TLR6: variants seen among roughly 807,000 people sequenced by gnomAD.
The protein encoded by TLR6 is toll-like receptor 6.
Under a neutral mutation model 16.1 loss-of-function variants are expected in TLR6, and 9 were observed. The ratio of observed to expected loss-of-function variants is 0.56; its 90% confidence interval spans 0.34 to 0.98. The LOEUF (loss-of-function observed/expected upper bound fraction) is 0.98, where lower values mean the gene tolerates loss of function less well. TLR6 is among the 50% of genes least tolerant of loss of function. The pLI is 0.02. For missense variants in TLR6, 786 were observed against 921.0 expected, an observed-to-expected ratio of 0.85 and a Z score of 1.90; for synonymous variants, 340 against 338.6, an observed-to-expected ratio of 1.00 and a Z score of -0.04.
chr4:38,846,760 G>A (rs1712546793), intron 1 of TLR6, among the ~76,000 whole-genome samples: 1 of 152,190 alleles, frequency 6.6e-6, no homozygotes, highest in African/African-American at 2.4e-5. Context: ...GGAGTTGGCT[G>A]AAGGTGGGGT....
At chr4:38,859,256 C>G (rs915907879), upstream of TLR6, among the ~76,000 whole-genome samples, 16 of 152,178 alleles carry the variant, frequency 1.1e-4, no homozygotes, top group Non-Finnish European at 7.3e-5. Flanking sequence ...AGAGCATTTG[C>G]AAACAGAGGC....
chr4:38,842,100 C>T (rs188306060), intron 1 of TLR6, among the ~76,000 whole-genome samples: 8 of 152,126 alleles, frequency 5.3e-5, no homozygotes, highest in Middle Eastern at 6.8e-3. Context: ...GACCCAAACC[C>T]GACTTTCTGA....
At chr4:38,868,062 T>A in the TLR6 span, 1 of 418,606 alleles carries the variant, frequency 2.4e-6, no homozygotes, top group South Asian at 1.7e-5. Flanking sequence ...CGTGTGAGTG[T>A]GTGTGTGTGA....
chr4:38,858,775 GGGAGAGAGAGAGAGAGGGAGA>G (rs1560274506), upstream of TLR6, among the ~76,000 whole-genome samples: 28 of 79,320 alleles, frequency 3.5e-4, 1 homozygote, highest in South Asian at 4.6e-4. Context: ...GAGAGAGAGA[GGGAGAGAGAGAGAGAGGGAGA>G]GAGAGAGAGA....
At chr4:38,865,768 A>G in the TLR6 span, among the ~76,000 whole-genome samples, 1 of 152,262 alleles carries the variant, frequency 6.6e-6, no homozygotes, top group Non-Finnish European at 1.5e-5. Context: ...GCTCAATTCA[A>G]AAAGGCTATT....
intron 1 of TLR6, among the ~76,000 whole-genome samples, chr4:38,844,513 A>T (rs1210270957): frequency 1.3e-5 from 2 of 151,998 alleles, no homozygotes; most frequent in East Asian, 3.8e-4. Flanking sequence ...TGTTAGATCA[A>T]GTAGCAAAAA....
At chr4:38,826,872 T>C in exon 2 of TLR6, 1 of 447,168 alleles carries the variant, frequency 2.2e-6, no homozygotes, top group Non-Finnish European at 3.9e-6. Flanking sequence ...ATTTGAAACA[T>C]AATGATTAAA....
At chr4:38,842,296 T>C (rs1712302440) in intron 1 of TLR6, among the ~76,000 whole-genome samples, 1 of 152,188 alleles carries the variant, frequency 6.6e-6, no homozygotes, top group Non-Finnish European at 1.5e-5. Flanking sequence ...GCTATATTTA[T>C]ATCTTAAGGA....
intron 1 of TLR6, among the ~76,000 whole-genome samples, chr4:38,851,208 T>G (rs1205311178): frequency 1.3e-5 from 2 of 152,160 alleles, no homozygotes; most frequent in African/African-American, 4.8e-5. Context: ...TCTCAATAAA[T>G]TAGGTATTGA....
chr4:38,839,937 A>G (rs937633760), intron 1 of TLR6, among the ~76,000 whole-genome samples: 2 of 152,220 alleles, frequency 1.3e-5, no homozygotes, highest in Admixed American at 6.5e-5. Flanking sequence ...TGCTGATTAT[A>G]ATCCCGAAAG....
chr4:38,856,006 A>G (rs1712969900), intron 1 of TLR6, among the ~76,000 whole-genome samples: 2 of 142,784 alleles, frequency 1.4e-5, no homozygotes, highest in Non-Finnish European at 3.0e-5. Context: ...AAGAGAGCAG[A>G]AAAAAAATTA....
At chr4:38,829,841 C>T (rs1727743431) in intron 1 of TLR6, among the ~76,000 whole-genome samples, 6 of 152,234 alleles carry the variant, frequency 3.9e-5, no homozygotes, top group Admixed American at 2.6e-4. Flanking sequence ...AGGGCTGGAA[C>T]AGCCTTCTGG....
rs571588587 is a variant in TLR6, at chr4:38,847,740, G to A, written c.-65+9021C>T. Reference sequence around the variant, plus strand: ...AGGTGGCAGTGAGGCTGGGGGAGGGGCGCCAGCCATTGCTGAGGCTTGAGT... The same window carrying A: ...AGGTGGCAGTGAGGCTGGGGGAGGGACGCCAGCCATTGCTGAGGCTTGAGT... On this transcript the variant is annotated intron_variant, in intron 1 of 1. Transcript: ENST00000436693. Among the ~76,000 whole-genome samples the A allele has an allele frequency of 2.5e-4, 38 of 152,188 alleles. No individual in the cohort carries two copies. In the East Asian group the frequency reaches 6.8e-3, roughly 27 times the overall value.
At chr4:38,841,174 G>GA (rs1178147109) in intron 1 of TLR6, among the ~76,000 whole-genome samples, 2 of 127,918 alleles carry the variant, frequency 1.6e-5, no homozygotes, top group African/African-American at 3.5e-5. Context: ...TCCAATACTG[G>GA]AGGTATAAAT....
chr4:38,836,588 A>T (rs112451766), intron 1 of TLR6, among the ~76,000 whole-genome samples: 1 of 152,210 alleles, frequency 6.6e-6, no homozygotes, highest in Non-Finnish European at 1.5e-5. Flanking sequence ...CAAAAAAATT[A>T]AAGATGAAGG....
chr4:38,848,525 C>T (rs1417744325), intron 1 of TLR6, among the ~76,000 whole-genome samples: 1 of 152,178 alleles, frequency 6.6e-6, no homozygotes, highest in Non-Finnish European at 1.5e-5. Flanking sequence ...AAGCTAAAAA[C>T]CTTGACAAAA....
exon 2 of TLR6, chr4:38,828,148 G>T (rs1727643155): frequency 1.9e-6 from 3 of 1,614,110 alleles, no homozygotes; most frequent in Non-Finnish European, 8.5e-7. Context: ...TGAAAACAGA[G>T]TCAGTAAGCA....
At chr4:38,847,299 G>A (rs567240028) in intron 1 of TLR6, among the ~76,000 whole-genome samples, 44 of 152,254 alleles carry the variant, frequency 2.9e-4, no homozygotes, top group African/African-American at 9.4e-4. Flanking sequence ...ACACATTAGG[G>A]GGGGTGGTTC....
At chr4:38,827,068 A>G in exon 2 of TLR6, 1 of 1,542,600 alleles carries the variant, frequency 6.5e-7, no homozygotes, top group Non-Finnish European at 8.7e-7. Flanking sequence ...CTTAAGTTGA[A>G]TTTCCTAAAT....
Sources: allele counts gnomAD v4.1 joint callset (sites outside exome capture counted in the v4.1 genomes callset), GRCh38; gene constraint gnomAD v4.1.1; transcripts MANE v1.5; gene names NCBI Gene and HGNC (gene_info 2026-07-23, HGNC 2026-07-21).